Variants in CALN1 observed in about 807,000 individuals in gnomAD.
The protein encoded by CALN1 is calcium-binding protein 8.
A neutral mutation model predicts 30.6 loss-of-function variants in CALN1; 17 were observed. That is an observed-to-expected ratio of 0.56 (90% CI 0.38 to 0.83). The LOEUF (loss-of-function observed/expected upper bound fraction) is 0.83. Among genes scored for constraint, CALN1 ranks in the 40% least tolerant of loss-of-function variants. The pLI is 0.00. For synonymous variants in CALN1, 156 were observed against 131.4 expected (o/e 1.19, Z -1.28); for missense variants, 291 against 354.9 (o/e 0.82, Z 1.45).
At chr7:72,024,400 C>A (rs1030502235) in intron 4 of CALN1, among the ~76,000 whole-genome samples, 8 of 152,030 alleles carry the variant, frequency 5.3e-5, no homozygotes, top group Non-Finnish European at 7.4e-5. Flanking sequence ...TTGAACAGCA[C>A]TTTTTTTGTT....
At chr7:72,060,022 A>G (rs1483050025) in intron 4 of CALN1, among the ~76,000 whole-genome samples, 1 of 152,158 alleles carries the variant, frequency 6.6e-6, no homozygotes, top group African/African-American at 2.4e-5. Context: ...TTTTTCCTCG[A>G]GTACCCCCAG....
chr7:72,413,059 T>G (rs996253136), upstream of CALN1, among the ~76,000 whole-genome samples: 11 of 151,482 alleles, frequency 7.3e-5, no homozygotes, highest in African/African-American at 2.2e-4. Context: ...ACCCGGGGGG[T>G]TTGCACTGAT....
intron 2 of CALN1, among the ~76,000 whole-genome samples, chr7:72,338,964 GC>G (rs1171403781): frequency 4.1e-4 from 20 of 48,722 alleles, no homozygotes; most frequent in African/African-American, 1.5e-3. Context: ...CCCCCACCCA[GC>G]CCCCCTCACC....
chr7:72,045,996 CAAAA>C (rs34011098), intron 4 of CALN1, among the ~76,000 whole-genome samples: 7 of 90,744 alleles, frequency 7.7e-5, no homozygotes, highest in Non-Finnish European at 2.2e-5. Context: ...GACTCCCTCT[CAAAA>C]AAAAAAAAAA....
At chr7:72,076,302 T>TA (rs113129693) in intron 4 of CALN1, among the ~76,000 whole-genome samples, 108 of 141,270 alleles carry the variant, frequency 7.6e-4, no homozygotes, top group African/African-American at 2.0e-3. Context: ...AATTAAAAAT[T>TA]AAAAAAAAAA....
At chr7:72,115,307 G>A (rs1807898645) in intron 3 of CALN1, among the ~76,000 whole-genome samples, 2 of 146,638 alleles carry the variant, frequency 1.4e-5, no homozygotes, top group Admixed American at 1.4e-4. Flanking sequence ...CTGCTGCTTT[G>A]TATAACTCAC....
chr7:72,501,223 G>A, the CALN1 span, among the ~76,000 whole-genome samples: 2 of 151,642 alleles, frequency 1.3e-5, no homozygotes, highest in African/African-American at 2.4e-5. Flanking sequence ...CTTCAGAGTA[G>A]CTAGACATGT....
chr7:72,419,366 G>T (rs1807535734), intron 1 of CALN1, among the ~76,000 whole-genome samples: 1 of 152,000 alleles, frequency 6.6e-6, no homozygotes, highest in Admixed American at 6.6e-5. Flanking sequence ...GATTCCTCAG[G>T]TCTTCCTTCT....
chr7:72,258,636 G>C (rs1279538211), intron 3 of CALN1, among the ~76,000 whole-genome samples: 1 of 152,160 alleles, frequency 6.6e-6, no homozygotes, highest in Non-Finnish European at 1.5e-5. Context: ...AAGATATGAA[G>C]AAGCCAGGGG....
At chr7:72,269,405 G>T (rs147732556) in intron 3 of CALN1, among the ~76,000 whole-genome samples, 1 of 151,596 alleles carries the variant, frequency 6.6e-6, no homozygotes, top group East Asian at 2.0e-4. Context: ...TCCTCTTCCT[G>T]TATCCATGTG....
Position 71,790,216 on chromosome 7 carries a change from AAGGC to A in CALN1, c.659-2318_659-2315del, listed in dbSNP as rs1392997933. Among the ~76,000 whole-genome samples, 3 of 151,346 alleles carry A rather than the reference AAGGC, an allele frequency of 2.0e-5. No individual in the cohort carries two copies. The East Asian group carries it at 5.8e-4, about 29-fold the overall frequency. Reference sequence around the variant, plus strand: ...AAAGAGAGAAACAAAGAAAGAAAGAAAGGCAGGCGAAAGAAAGAATGAAAGAAAG... The same window carrying A: ...AAAGAGAGAAACAAAGAAAGAAAGAAAGGCGAAAGAAAGAATGAAAGAAAG... On this transcript the variant is annotated intron_variant, in intron 6 of 6. Coordinates refer to ENST00000395275, the MANE Select transcript of CALN1 (RefSeq NM_031468.4).
intron 5 of CALN1, among the ~76,000 whole-genome samples, chr7:71,948,210 C>T (rs1339829624): frequency 6.9e-6 from 1 of 145,298 alleles, no homozygotes; most frequent in South Asian, 2.3e-4. Context: ...GAAGGAGCCG[C>T]ACCACCACAA....
chr7:72,158,203 T>TA (rs1291916768), intron 3 of CALN1, among the ~76,000 whole-genome samples: 7 of 152,226 alleles, frequency 4.6e-5, no homozygotes, highest in Non-Finnish European at 8.8e-5. Context: ...TCATGTAGTT[T>TA]ACATTATCAT....
chr7:72,117,748 A>G (rs182726080), intron 3 of CALN1, among the ~76,000 whole-genome samples: 2 of 152,238 alleles, frequency 1.3e-5, no homozygotes, highest in Admixed American at 1.3e-4. Flanking sequence ...ACTTGAGGTC[A>G]GGAGTTTGAG....
intron 4 of CALN1, among the ~76,000 whole-genome samples, chr7:72,088,177 A>G (rs1215563227): frequency 2.0e-5 from 3 of 152,202 alleles, no homozygotes; most frequent in Non-Finnish European, 4.4e-5. Flanking sequence ...CTAAAAACTG[A>G]GAGTGTGAAT....
At chr7:72,433,443 G>A (rs993540811) in intron 1 of CALN1, among the ~76,000 whole-genome samples, 3 of 152,108 alleles carry the variant, frequency 2.0e-5, no homozygotes, top group East Asian at 1.9e-4. Context: ...TTTTCAGTTC[G>A]CCATGGATCC....
At chr7:71,924,085 C>T (rs535546512) in intron 5 of CALN1, among the ~76,000 whole-genome samples, 26 of 151,630 alleles carry the variant, frequency 1.7e-4, no homozygotes, top group Non-Finnish European at 2.6e-4. Context: ...CCCAGCTACT[C>T]GCGGGGCTGA....
intron 2 of CALN1, among the ~76,000 whole-genome samples, chr7:72,331,538 T>C (rs1041871256): frequency 2.6e-5 from 4 of 152,218 alleles, no homozygotes; most frequent in Admixed American, 1.3e-4. Context: ...GAGCCCAAAA[T>C]TGGGGCTTAG....
intron 3 of CALN1, among the ~76,000 whole-genome samples, chr7:72,175,029 T>G (rs959269535): frequency 1.3e-5 from 2 of 151,960 alleles, no homozygotes; most frequent in Non-Finnish European, 2.9e-5. Context: ...AATTGCACAA[T>G]TTAAATATGT....
Sources: allele counts gnomAD v4.1 joint callset (sites outside exome capture counted in the v4.1 genomes callset), GRCh38; gene constraint gnomAD v4.1.1; transcripts MANE v1.5; gene names NCBI Gene and HGNC (gene_info 2026-07-23, HGNC 2026-07-21).